Variants in UBE2E2 observed in about 807,000 individuals in gnomAD.
The protein encoded by UBE2E2 is ubiquitin-conjugating enzyme E2 E2.
Under a neutral mutation model 24.7 loss-of-function variants are expected in UBE2E2, and 6 were observed. The observed-to-expected ratio is 0.24, with a 90% confidence interval of 0.13 to 0.48. The LOEUF (loss-of-function observed/expected upper bound fraction) is 0.48, where lower values mean the gene tolerates loss of function less well. Among genes scored for constraint, UBE2E2 ranks in the 20% least tolerant of loss-of-function variants. The pLI is 0.99. For missense variants in UBE2E2, 169 were observed against 245.0 expected, an observed-to-expected ratio of 0.69 and a Z score of 2.07; for synonymous variants, 104 against 83.6, an observed-to-expected ratio of 1.24 and a Z score of -1.33.
chr3:23,522,886 T>C (rs1174937306), intron 4 of UBE2E2, among the ~76,000 whole-genome samples: 3 of 151,754 alleles, frequency 2.0e-5, no homozygotes, highest in Non-Finnish European at 2.9e-5. Context: ...GGGACTTCTA[T>C]AGAAAGAAAA....
At chr3:23,483,742 C>G (rs1203906489) in intron 3 of UBE2E2, among the ~76,000 whole-genome samples, 1 of 152,196 alleles carries the variant, frequency 6.6e-6, no homozygotes, top group Non-Finnish European at 1.5e-5. Flanking sequence ...AATAGTAGTT[C>G]TATCATGGTG....
intron 3 of UBE2E2, among the ~76,000 whole-genome samples, chr3:23,453,518 T>C (rs1334451311): frequency 6.6e-6 from 1 of 152,174 alleles, no homozygotes; most frequent in Admixed American, 6.5e-5. Flanking sequence ...TTTCCACATA[T>C]TTCACTTCTC....
intron 4 of UBE2E2, among the ~76,000 whole-genome samples, chr3:23,502,860 G>A (rs1699753953): frequency 1.3e-5 from 2 of 152,126 alleles, no homozygotes; most frequent in Non-Finnish European, 2.9e-5. Context: ...CTATTTCAAA[G>A]TAGGTAAGGC....
intron 3 of UBE2E2, among the ~76,000 whole-genome samples, chr3:23,351,529 A>T (rs575379682): frequency 1.7e-3 from 255 of 152,308 alleles, no homozygotes; most frequent in African/African-American, 5.9e-3. Context: ...AAAATAAAAG[A>T]TGGAGGAAGG....
At chr3:23,522,855 A>G (rs1694900860) in intron 4 of UBE2E2, among the ~76,000 whole-genome samples, 1 of 152,198 alleles carries the variant, frequency 6.6e-6, no homozygotes, top group South Asian at 2.1e-4. Context: ...AATGCAAAAC[A>G]TTCCACAGTC....
At chr3:23,251,697 G>A (rs935570949) in intron 3 of UBE2E2, among the ~76,000 whole-genome samples, 11 of 152,284 alleles carry the variant, frequency 7.2e-5, no homozygotes, top group Admixed American at 2.6e-4. Flanking sequence ...AAGCATGTAT[G>A]CAAACAGTAT....
chr3:23,360,469 A>G (rs1696083444), intron 3 of UBE2E2, among the ~76,000 whole-genome samples: 1 of 152,218 alleles, frequency 6.6e-6, no homozygotes. Flanking sequence ...GTTCAAATAG[A>G]CATAAGAAAA....
chr3:23,468,864 T>C (rs568960103), intron 3 of UBE2E2, among the ~76,000 whole-genome samples: 57 of 152,330 alleles, frequency 3.7e-4, no homozygotes, highest in Admixed American at 1.7e-3. Context: ...TAGGATTAAT[T>C]AGAACTTGTG....
At position 23,261,333 on chromosome 3, in the gene UBE2E2, T is replaced by C. The variant is rs112084438; in HGVS notation, c.227+44021T>C. ...TCCCTCCAGCTTTTTTGAGGTATAATTGACAATAAAATTGTGTATATTTAA... is the reference window on the plus strand; with the variant it reads ...TCCCTCCAGCTTTTTTGAGGTATAACTGACAATAAAATTGTGTATATTTAA... On this transcript the variant is annotated intron_variant, in intron 3 of 5. Coordinates refer to ENST00000396703, the MANE Select transcript of UBE2E2 (RefSeq NM_152653.4). Among the ~76,000 whole-genome samples the C allele has an allele frequency of 3.4e-3, 513 of 152,222 alleles. 2 individuals are homozygous for C. Among genetic ancestry groups the C allele is most frequent in the South Asian group, 0.019 (90 of 4,820 alleles).
intron 3 of UBE2E2, among the ~76,000 whole-genome samples, chr3:23,224,156 G>GTTTTTTTTTTTT (rs531661466): frequency 2.4e-3 from 226 of 93,676 alleles, no homozygotes; most frequent in Middle Eastern, 9.8e-3. Flanking sequence ...TAAATTTTAG[G>GTTTTTTTTTTTT]TTTTTTTTTT....
intron 3 of UBE2E2, among the ~76,000 whole-genome samples, chr3:23,410,043 T>C (rs1476154264): frequency 4.6e-5 from 7 of 152,200 alleles, no homozygotes; most frequent in Admixed American, 2.6e-4. Flanking sequence ...TTGTGAGTTC[T>C]GGGGGTTAAG....
At chr3:23,440,567 G>A (rs1698282873) in intron 3 of UBE2E2, among the ~76,000 whole-genome samples, 1 of 152,202 alleles carries the variant, frequency 6.6e-6, no homozygotes, top group African/African-American at 2.4e-5. Flanking sequence ...TTTCTCGATA[G>A]AAAGGAAGTG....
Position 23,327,524 on chromosome 3 carries a change from C to T in UBE2E2, c.227+110212C>T, listed in dbSNP as rs889575536. ...TACTAACATGAAACTCCTTAAGCAG[C>T]CTTTTAACTAGGACAAATACTTGTA... On this transcript the variant is annotated intron_variant, in intron 3 of 5. Transcript: ENST00000396703. 2.0e-5 allele frequency among the ~76,000 whole-genome samples: 3 copies of T among 152,146 alleles called. No homozygotes were observed. The South Asian group carries it at 6.2e-4, about 32-fold the overall frequency.
intron 3 of UBE2E2, among the ~76,000 whole-genome samples, chr3:23,466,443 C>G (rs999143226): frequency 6.6e-6 from 1 of 152,172 alleles, no homozygotes; most frequent in Non-Finnish European, 1.5e-5. Context: ...TTGGCTATTA[C>G]TTTTGTTATA....
At chr3:23,259,414 AT>A (rs1281995073) in intron 3 of UBE2E2, among the ~76,000 whole-genome samples, 4 of 152,018 alleles carry the variant, frequency 2.6e-5, no homozygotes, top group Middle Eastern at 3.4e-3. Flanking sequence ...TTGCTACTGA[AT>A]TTTTTTCTTA....
chr3:23,366,959 C>T (rs1038271994), intron 3 of UBE2E2, among the ~76,000 whole-genome samples: 1 of 152,056 alleles, frequency 6.6e-6, no homozygotes, highest in African/African-American at 2.4e-5. Context: ...TACAATAGCA[C>T]ATAATTTTTA....
rs1698335396 is a variant in UBE2E2 at position 23,442,776 on chromosome 3, T to C, written c.228-56832T>C. ...TACCAGTTTGCCTTCCAGAGATGCA[T>C]AGATAAGGGGGCGTGGTTACTGATT... On this transcript the variant is annotated intron_variant, in intron 3 of 5. Transcript: ENST00000396703. Among the ~76,000 whole-genome samples the C allele has an allele frequency of 2.0e-5, 3 of 152,320 alleles. No individual in the cohort carries two copies. The South Asian group carries it at 6.2e-4, about 32-fold the overall frequency.
chr3:23,234,271 G>C (rs978111374), intron 3 of UBE2E2, among the ~76,000 whole-genome samples: 1 of 151,928 alleles, frequency 6.6e-6, no homozygotes, highest in Non-Finnish European at 1.5e-5. Flanking sequence ...TTTGGAGTGG[G>C]ACATGACCAA....
chr3:23,519,874 G>A (rs1184260113), intron 4 of UBE2E2, among the ~76,000 whole-genome samples: 1 of 151,872 alleles, frequency 6.6e-6, no homozygotes, highest in African/African-American at 2.4e-5. Flanking sequence ...TGTAGAGACG[G>A]AGTTTTACCA....
Sources: allele counts gnomAD v4.1 joint callset (sites outside exome capture counted in the v4.1 genomes callset), GRCh38; gene constraint gnomAD v4.1.1; transcripts MANE v1.5; gene names NCBI Gene and HGNC (gene_info 2026-07-23, HGNC 2026-07-21).